The following MYBPC2 variants were observed in gnomAD, a reference collection of about 807,000 sequenced individuals.
MYBPC2 encodes myosin binding protein C2, also known as myosin-binding protein C, fast-type.
MYBPC2 carries 122 observed loss-of-function variants against 137.0 expected under a neutral mutation model. The ratio of observed to expected loss-of-function variants is 0.89; its 90% CI spans 0.77 to 1.03. The LOEUF (loss-of-function observed/expected upper bound fraction) is 1.03. MYBPC2 is among the 50% of genes least tolerant of loss of function. MYBPC2 has a pLI of 0.00. For missense variants in MYBPC2, 1,500 were observed against 1,534.4 expected, an observed-to-expected ratio of 0.98 and a Z score of 0.37; for synonymous variants, 626 against 612.3, an observed-to-expected ratio of 1.02 and a Z score of -0.33.
rs370833831 is a variant in MYBPC2 at position 50,464,479 on chromosome 19, G to A, written c.3362G>A (p.Arg1121Gln). Residue 1121 changes from arginine to glutamine, a missense_variant, in exon 27 of 28, where the codon CGG becomes CAG. Coordinates refer to ENST00000357701, the MANE Select transcript of MYBPC2 (RefSeq NM_004533.4). ...SPFDAGTYTC[R>Q]AVNELGEALA... is the part of the protein sequence containing the mutation. The stretch of plus-strand genomic sequence containing the variant: ...TTCGACGCTGGGACTTACACCTGCC[G>A]GGCCGTCAACGAGCTGGGCGAGGCG... 561 of 1,613,032 alleles carry A rather than the reference G, an allele frequency of 3.5e-4. 1 individual carries two copies. Among genetic ancestry groups the A allele is most frequent in the Admixed American group, 1.4e-3 (85 of 59,904 alleles).
chr19:50,454,140 G>A lies in MYBPC2; in HGVS notation c.1870G>A (p.Val624Ile), dbSNP rs25665. Reference sequence around the variant, plus strand: ...CTACACCATCAAGGTCACCAACCCCGTCGGCGAGGACGTGGCTTCCATCTT... The same window carrying A: ...CTACACCATCAAGGTCACCAACCCCATCGGCGAGGACGTGGCTTCCATCTT... ...GRYTIKVTNPVGEDVASIFLQ... is the reference protein window; with the variant it reads ...GRYTIKVTNPIGEDVASIFLQ... The change falls in exon 17 of 28, where the codon GTC becomes ATC. Residue 624 changes from valine to isoleucine, a missense_variant. Physicochemically the swap from Val to Ile is conservative, Grantham distance 29. Coordinates refer to ENST00000357701, the MANE Select transcript of MYBPC2 (RefSeq NM_004533.4). The A allele has an allele frequency of 0.22, 362,859 of 1,612,942 alleles. 43,641 individuals are homozygous for A. Among genetic ancestry groups the A allele is most frequent in the East Asian group, 0.37 (16,493 of 44,824 alleles).
rs2039886652 is a variant in MYBPC2, at chr19:50,454,188, A to G, written c.1909+9A>G. ...CTTCCTGCAAGTTGTAGGTGAGCAG[A>G]GAAAGCCGAGGTGGCTGGGCCAAGG... On this transcript the variant is annotated intron_variant, in intron 17 of 27. Coordinates refer to ENST00000357701, the MANE Select transcript of MYBPC2 (RefSeq NM_004533.4). 1.2e-6 allele frequency: 2 copies of G among 1,613,790 alleles called. No homozygotes were observed. The highest frequency in any genetic ancestry group is 1.3e-5 in the African/African-American group (1 of 74,938).
In MYBPC2 at chr19:50,432,984, A is replaced by T; in HGVS notation, c.19+12A>T. On this transcript the variant is annotated intron_variant, in intron 1 of 27. Transcript: ENST00000357701. The surrounding 1 kb of genome is among the most constrained non-coding windows in gnomAD (Gnocchi z 5.5). ...TGAGGCAAAACCAGGTGGCGCCAGG[A>T]CCCCCTCCCTGTGTGGGGATGGGGC... 6.3e-7 allele frequency: 1 copy of T among 1,592,224 alleles called. No individual in the cohort carries two copies. Among genetic ancestry groups the T allele is most frequent in the Non-Finnish European group, 8.5e-7 (1 of 1,171,644 alleles).
chr19:50,435,219 C>CA lies in MYBPC2; in HGVS notation c.78_79insA (p.Pro27ThrfsTer2). 1 of 1,302,628 alleles carries CA rather than the reference C, an allele frequency of 7.7e-7. No individual in the cohort carries two copies. The highest frequency in any genetic ancestry group is 1.1e-6 in the Non-Finnish European group (1 of 904,238). 80.7% of individuals were successfully genotyped at this position (1,302,628 alleles called of 1,614,324 possible). On this transcript the variant is annotated frameshift_variant, in exon 2 of 28. Coordinates refer to ENST00000357701, the MANE Select transcript of MYBPC2 (RefSeq NM_004533.4). LOFTEE classifies it high-confidence loss of function. The surrounding 1 kb of genome is among the most constrained non-coding windows in gnomAD (Gnocchi z 4.8). ...CCAAAGGAGCCCCCAAGGAGGCTCC[C>CA]CCTAAGGAGGCTCCTGCAGAGGCCC...
chr19:50,437,177 G>C (rs2039711580), intron 5 of MYBPC2, among the ~76,000 whole-genome samples: 1 of 152,010 alleles, frequency 6.6e-6, no homozygotes. Context: ...GAATGTGTGA[G>C]GGCTTAAATG....
intron 18 of MYBPC2, 43 bp from the exon 19 acceptor site, chr19:50,455,065 T>C (rs1198350346): frequency 6.4e-7 from 1 of 1,551,900 alleles, no homozygotes; most frequent in East Asian, 2.3e-5. Flanking sequence ...TCATGCCCCA[T>C]GCCCTCCCGT....
chr19:50,450,061 G>A (rs192756492), intron 13 of MYBPC2, among the ~76,000 whole-genome samples: 1 of 152,222 alleles, frequency 6.6e-6, no homozygotes, highest in Non-Finnish European at 1.5e-5. Context: ...GGAGGCTGGG[G>A]TGGGAAAATC....
At chr19:50,459,902 G>C (rs1326818696) in intron 23 of MYBPC2, 138 bp from the exon 24 acceptor site, 1 of 1,259,078 alleles carries the variant, frequency 7.9e-7, no homozygotes, top group Non-Finnish European at 1.1e-6. Flanking sequence ...ACTGGGATGG[G>C]GGAGGCCATA....
chr19:50,461,449 G>A (rs1568669730), intron 24 of MYBPC2, 93 bp from the exon 25 acceptor site: 1 of 1,334,674 alleles, frequency 7.5e-7, no homozygotes, highest in Non-Finnish European at 1.0e-6. Flanking sequence ...CACTGGATGT[G>A]CTTTTCTCAC....
chr19:50,454,060 G>T lies in MYBPC2; in HGVS notation c.1790G>T (p.Arg597Leu). The part of the protein sequence containing the change: ...TTEGRTRIEK[R>L]VDCSSFVIES... Reference sequence around the variant, plus strand: ...GAGGGCAGGACCCGCATCGAGAAGCGGGTGGACTGCAGCAGCTTTGTGATT... The same window carrying T: ...GAGGGCAGGACCCGCATCGAGAAGCTGGTGGACTGCAGCAGCTTTGTGATT... Residue 597 changes from arginine (R) to leucine (L), a missense_variant, in exon 17 of 28, where the codon CGG becomes CTG. By Grantham distance (102) the Arg-to-Leu change is moderately radical. Transcript: ENST00000357701. 1 of 1,609,142 alleles carries T rather than the reference G, an allele frequency of 6.2e-7. No homozygotes were observed. Among genetic ancestry groups the T allele is most frequent in the East Asian group, 2.2e-5 (1 of 44,616 alleles).
At chr19:50,434,479 A>G (rs926597153) in intron 1 of MYBPC2, among the ~76,000 whole-genome samples, 32 of 152,326 alleles carry the variant, frequency 2.1e-4, no homozygotes, top group African/African-American at 7.7e-4. Context: ...AAGTCTCTGT[A>G]TTAAGGATGG....
intron 20 of MYBPC2, 122 bp from the exon 21 acceptor site, chr19:50,458,465 C>A: frequency 8.6e-7 from 1 of 1,169,130 alleles, no homozygotes; most frequent in Non-Finnish European, 1.2e-6. Context: ...GCTGCTGCTG[C>A]TTCTACTGGG....
At chr19:50,454,420 G>GTTTTTTTTTTT in intron 18 of MYBPC2, 51 bp downstream of exon 18, 1 of 735,498 alleles carries the variant, frequency 1.4e-6, no homozygotes, top group Non-Finnish European at 1.9e-6. Flanking sequence ...TCTGCCTTCT[G>GTTTTTTTTTTT]TTTTTTTTTT....
At chr19:50,449,728 C>A (rs2039839078) in intron 13 of MYBPC2, among the ~76,000 whole-genome samples, 1 of 152,212 alleles carries the variant, frequency 6.6e-6, no homozygotes. Flanking sequence ...ACCTGGTTAT[C>A]TGCAGAATGC....
At chr19:50,446,654 T>C (rs534421428) in intron 12 of MYBPC2, among the ~76,000 whole-genome samples, 14 of 150,048 alleles carry the variant, frequency 9.3e-5, no homozygotes, top group Admixed American at 1.3e-4. Context: ...AACCCATCTC[T>C]ACTAAGAATA....
At chr19:50,440,672 A>C (rs1174526002) in intron 7 of MYBPC2, among the ~76,000 whole-genome samples, 1 of 151,206 alleles carries the variant, frequency 6.6e-6, no homozygotes, top group Non-Finnish European at 1.5e-5. Flanking sequence ...CAAAAAAAAA[A>C]AAAACCAAAA....
chr19:50,442,314 G>C lies in MYBPC2; in HGVS notation c.902+1G>C. ...GCCAGGAGATCAAACCAAGCAGCAAGTATGTGTGGGGTGGGCAGTCCCTGC... is the reference window on the plus strand; with the variant it reads ...GCCAGGAGATCAAACCAAGCAGCAACTATGTGTGGGGTGGGCAGTCCCTGC... On this transcript the variant is annotated splice_donor_variant, in intron 9 of 27. Transcript: ENST00000357701. LOFTEE classifies it high-confidence loss of function. The C allele has an allele frequency of 6.2e-7, 1 of 1,608,566 alleles. No homozygotes were observed. Among genetic ancestry groups the C allele is most frequent in the Non-Finnish European group, 8.5e-7 (1 of 1,177,586 alleles).
At chr19:50,455,335 T>C in intron 19 of MYBPC2, 39 bp downstream of exon 19, 1 of 1,597,152 alleles carries the variant, frequency 6.3e-7, no homozygotes, top group Non-Finnish European at 8.6e-7. Flanking sequence ...TTGGTAATGA[T>C]GGATCACTCT....
Position 50,457,238 on chromosome 19 carries a change from C to T in MYBPC2, c.2339-1349C>T, listed in dbSNP as rs537468673. On this transcript the variant is annotated intron_variant, in intron 20 of 27. Transcript: ENST00000357701. Reference sequence around the variant, plus strand: ...CCTCCCTCCTCCTCTCCTCCGTGCTCTTTACCCCATTCCTCCCTGGCCGGC... The same window carrying T: ...CCTCCCTCCTCCTCTCCTCCGTGCTTTTTACCCCATTCCTCCCTGGCCGGC... Among the ~76,000 whole-genome samples the T allele has an allele frequency of 1.3e-5, 2 of 152,346 alleles. 1 individual carries two copies. Among genetic ancestry groups the T allele is most frequent in the African/African-American group, 4.8e-5 (2 of 41,564 alleles).
Sources: allele counts gnomAD v4.1 joint callset (sites outside exome capture counted in the v4.1 genomes callset), GRCh38; gene constraint gnomAD v4.1.1; non-coding constraint Gnocchi (gnomAD v3.1); transcripts MANE v1.5; gene names NCBI Gene and HGNC (gene_info 2026-07-23, HGNC 2026-07-21).